The following SUGCT variants were observed in gnomAD, a reference collection of about 807,000 sequenced individuals.
SUGCT encodes succinyl-CoA:glutarate-CoA transferase, also known as succinyl-CoA:glutarate CoA-transferase.
A neutral mutation model predicts 55.0 loss-of-function variants in SUGCT; 41 were observed. The ratio of observed to expected loss-of-function variants is 0.74; its 90% CI spans 0.58 to 0.97. The LOEUF (loss-of-function observed/expected upper bound fraction) is 0.97. SUGCT is among the 50% of genes least tolerant of loss of function. The pLI is 0.00. For synonymous variants in SUGCT, 187 were observed against 200.4 expected, an observed-to-expected ratio of 0.93 and a Z score of 0.56; for missense variants, 568 against 547.8, an observed-to-expected ratio of 1.04 and a Z score of -0.37.
chr7:41,023,344 T>C, the SUGCT span, among the ~76,000 whole-genome samples: 1 of 152,060 alleles, frequency 6.6e-6, no homozygotes, highest in East Asian at 1.9e-4. Context: ...TAAAGAAATA[T>C]ACTTTGAAAG....
intron 12 of SUGCT, among the ~76,000 whole-genome samples, chr7:40,536,196 T>C (rs73308260): frequency 0.093 from 14,233 of 152,236 alleles, 717 homozygotes; most frequent in Middle Eastern, 0.11. Context: ...CATCAATTTC[T>C]GGTTTTGTTG....
At chr7:40,706,228 T>G (rs1562956066) in intron 12 of SUGCT, among the ~76,000 whole-genome samples, 1 of 152,190 alleles carries the variant, frequency 6.6e-6, no homozygotes, top group Non-Finnish European at 1.5e-5. Context: ...ATGGAGTGGC[T>G]GGGCGCAGTG....
At chr7:40,367,813 C>G (rs529658983) in intron 9 of SUGCT, among the ~76,000 whole-genome samples, 6 of 152,148 alleles carry the variant, frequency 3.9e-5, no homozygotes, top group Non-Finnish European at 8.8e-5. Context: ...TTTTGCCTCC[C>G]AAGCGTCATG....
the SUGCT span, among the ~76,000 whole-genome samples, chr7:40,930,208 T>C: frequency 2.8e-4 from 43 of 152,304 alleles, no homozygotes; most frequent in African/African-American, 9.9e-4. Flanking sequence ...TTTTGTCAGG[T>C]TTGTCAAAGA....
intron 1 of SUGCT, among the ~76,000 whole-genome samples, chr7:40,170,029 T>A (rs1013424699): frequency 2.6e-5 from 4 of 152,200 alleles, no homozygotes; most frequent in African/African-American, 9.7e-5. Flanking sequence ...GTGGACATCA[T>A]TGAATAATTT....
At chr7:41,032,335 G>GT in the SUGCT span, among the ~76,000 whole-genome samples, 2,807 of 143,460 alleles carry the variant, frequency 0.02, 42 homozygotes, top group African/African-American at 0.055. Flanking sequence ...CATTTCTCAT[G>GT]TTTTTTTTTT....
At chr7:40,698,102 T>A (rs758227459) in intron 12 of SUGCT, among the ~76,000 whole-genome samples, 19 of 152,262 alleles carry the variant, frequency 1.2e-4, no homozygotes, top group Middle Eastern at 6.8e-3. Context: ...AGGCAAAGTA[T>A]AGCACAAGCA....
intron 9 of SUGCT, among the ~76,000 whole-genome samples, chr7:40,397,677 A>G (rs1191748676): frequency 1.3e-5 from 2 of 152,184 alleles, no homozygotes; most frequent in Non-Finnish European, 1.5e-5. Context: ...ACGTAATACA[A>G]TATGTTAAGT....
chr7:40,209,182 G>A (rs1354283818), intron 6 of SUGCT, among the ~76,000 whole-genome samples: 2 of 152,160 alleles, frequency 1.3e-5, no homozygotes, highest in African/African-American at 2.4e-5. Context: ...AGTTCTAGGA[G>A]AGTTGCTGAT....
chr7:40,233,441 G>A (rs868402960), intron 6 of SUGCT, among the ~76,000 whole-genome samples: 45 of 152,086 alleles, frequency 3.0e-4, no homozygotes, highest in Admixed American at 4.6e-4. Flanking sequence ...GGCTTGTCTT[G>A]AGCTCCTGAC....
chr7:40,234,205 T>C (rs778599251), intron 6 of SUGCT, among the ~76,000 whole-genome samples: 1 of 152,236 alleles, frequency 6.6e-6, no homozygotes, highest in Non-Finnish European at 1.5e-5. Context: ...TTTCCGAACC[T>C]AGAGTTAACT....
chr7:40,403,857 T>C (rs1786218506), intron 9 of SUGCT, among the ~76,000 whole-genome samples: 1 of 152,190 alleles, frequency 6.6e-6, no homozygotes, highest in Admixed American at 6.5e-5. Context: ...CCTTTTAATC[T>C]CTTTGAGGAT....
At chr7:40,541,803 A>G (rs17171725) in intron 12 of SUGCT, among the ~76,000 whole-genome samples, 6,350 of 152,304 alleles carry the variant, frequency 0.042, 431 homozygotes, top group African/African-American at 0.14. Context: ...AATAAGGAGT[A>G]TGCTAAATTC....
In SUGCT at chr7:40,685,522, T is replaced by C. The variant is rs368867846; in HGVS notation, c.1090-63912T>C. ...CATGCATCTTTATCCCATCTTTATC[T>C]TTGATTGGTAATCGGCCAGATGCCA... On this transcript the variant is annotated intron_variant, in intron 12 of 13. Transcript: ENST00000335693. 1.2e-4 allele frequency among the ~76,000 whole-genome samples: 18 copies of C among 152,340 alleles called. 1 individual carries two copies. In the South Asian group the frequency reaches 3.7e-3, roughly 32 times the overall value.
chr7:40,887,072 A>G, the SUGCT span, among the ~76,000 whole-genome samples: 1 of 152,306 alleles, frequency 6.6e-6, no homozygotes, highest in African/African-American at 2.4e-5. Flanking sequence ...ATGGAATAGA[A>G]CCTTTGAGGA....
intron 13 of SUGCT, among the ~76,000 whole-genome samples, chr7:40,827,037 CA>C (rs1464238677): frequency 6.6e-6 from 1 of 152,082 alleles, no homozygotes; most frequent in Non-Finnish European, 1.5e-5. Flanking sequence ...CTTTGTGCTT[CA>C]ATTTTTTTGT....
chr7:40,781,638 A>G (rs746748498), intron 13 of SUGCT, among the ~76,000 whole-genome samples: 11 of 152,186 alleles, frequency 7.2e-5, no homozygotes, highest in Non-Finnish European at 1.5e-4. Flanking sequence ...CTGAGAATGA[A>G]TAGAGTTTTT....
chr7:40,864,057 G>A (rs1794538581), downstream of SUGCT, among the ~76,000 whole-genome samples: 1 of 152,144 alleles, frequency 6.6e-6, no homozygotes, highest in Non-Finnish European at 1.5e-5. Context: ...TCCCAGTATA[G>A]CAAAACTAGG....
chr7:40,831,806 C>T (rs116111102), intron 13 of SUGCT, among the ~76,000 whole-genome samples: 102 of 152,320 alleles, frequency 6.7e-4, no homozygotes, highest in African/African-American at 2.3e-3. Flanking sequence ...CTGAATTCAG[C>T]AGGGCTGGCT....
Sources: gnomAD v4.1 joint callset for allele counts (sites outside exome capture counted in the v4.1 genomes callset) on GRCh38, gnomAD v4.1.1 for gene constraint, MANE v1.5 for transcripts, NCBI Gene and HGNC (gene_info 2026-07-23, HGNC 2026-07-21) for gene names.